Variants in TRMT11 observed in about 807,000 individuals in gnomAD.
TRMT11 encodes tRNA methyltransferase 11, also known as tRNA (guanine(10)-N(2))-methyltransferase TRMT11.
A neutral mutation model predicts 62.8 loss-of-function variants in TRMT11; 53 were observed. That is an observed-to-expected ratio of 0.84 (90% CI 0.68 to 1.06). The LOEUF (loss-of-function observed/expected upper bound fraction) is 1.06, where lower values mean the gene tolerates loss of function less well. Among genes scored for constraint, TRMT11 ranks in the 50% least tolerant of loss-of-function variants. TRMT11 has a pLI of 0.00. For synonymous variants in TRMT11, 188 were observed against 190.3 expected (o/e 0.99, Z 0.10); for missense variants, 556 against 553.4 (o/e 1.00, Z -0.05).
chr6:126,109,936 C>T (rs993193891), intron 17 of TRMT11, among the ~76,000 whole-genome samples: 3 of 152,128 alleles, frequency 2.0e-5, no homozygotes, highest in Non-Finnish European at 4.4e-5. Flanking sequence ...TGGGTTGGCA[C>T]CAAGCATGAC....
intron 17 of TRMT11, among the ~76,000 whole-genome samples, chr6:126,072,793 CCT>C (rs1188297109): frequency 6.6e-6 from 1 of 152,038 alleles, no homozygotes; most frequent in Non-Finnish European, 1.5e-5. Context: ...GAGCAGAGAT[CCT>C]CTCTCTTATG....
At chr6:126,251,427 G>A in the TRMT11 span, among the ~76,000 whole-genome samples, 31,886 of 152,010 alleles carry the variant, frequency 0.21, 4,303 homozygotes, top group East Asian at 0.53. Flanking sequence ...ATGACTAAAA[G>A]CTAATTAATA....
chr6:126,197,374 G>T (rs1778678628), intron 1 of TRMT11, among the ~76,000 whole-genome samples: 1 of 152,120 alleles, frequency 6.6e-6, no homozygotes, highest in African/African-American at 2.4e-5. Flanking sequence ...ACAAATATAA[G>T]TGAATTGTTC....
chr6:126,081,330 G>A (rs575250975), intron 17 of TRMT11, among the ~76,000 whole-genome samples: 14 of 152,266 alleles, frequency 9.2e-5, no homozygotes, highest in Admixed American at 6.5e-4. Flanking sequence ...TAGACTTCAC[G>A]CTCTTGAGTC....
At chr6:126,068,865 CTTAG>C (rs952311334) in intron 17 of TRMT11, among the ~76,000 whole-genome samples, 5 of 152,068 alleles carry the variant, frequency 3.3e-5, no homozygotes, top group African/African-American at 1.2e-4. Context: ...TTTCTTCTTA[CTTAG>C]TGAGTGACAA....
upstream of TRMT11, among the ~76,000 whole-genome samples, chr6:126,174,816 A>C (rs1174823963): frequency 6.6e-6 from 1 of 152,210 alleles, no homozygotes; most frequent in East Asian, 1.9e-4. Flanking sequence ...TGTGCCTTTG[A>C]ATTTTCAGAG....
chr6:126,015,106 G>A (rs958784559), intron 11 of TRMT11, among the ~76,000 whole-genome samples: 11 of 151,420 alleles, frequency 7.3e-5, no homozygotes, highest in African/African-American at 2.7e-4. Flanking sequence ...ATACTGTGAA[G>A]TAATTTCAAA....
chr6:126,206,578 G>A (rs1422695057), downstream of TRMT11, among the ~76,000 whole-genome samples: 4 of 152,114 alleles, frequency 2.6e-5, no homozygotes, highest in Admixed American at 1.3e-4. Context: ...CACTTCATAT[G>A]TTTGTTCACA....
chr6:126,008,947 T>C (rs1217432014), intron 8 of TRMT11, among the ~76,000 whole-genome samples: 6 of 152,116 alleles, frequency 3.9e-5, no homozygotes, highest in Admixed American at 3.3e-4. Context: ...ATTGGGTATC[T>C]ACTTTTATGA....
At chr6:126,014,545 G>A (rs1488580743) in intron 11 of TRMT11, among the ~76,000 whole-genome samples, 5 of 152,104 alleles carry the variant, frequency 3.3e-5, no homozygotes, top group East Asian at 1.9e-4. Context: ...CACCGTGTCC[G>A]GCCAATTCCT....
intron 11 of TRMT11, among the ~76,000 whole-genome samples, chr6:126,014,529 G>A (rs990096105): frequency 2.6e-5 from 4 of 152,176 alleles, no homozygotes; most frequent in African/African-American, 7.2e-5. Context: ...GATTATAGGC[G>A]TGAGCCACCG....
At chr6:126,008,909 A>T (rs1299837507) in intron 8 of TRMT11, among the ~76,000 whole-genome samples, 2 of 151,924 alleles carry the variant, frequency 1.3e-5, no homozygotes, top group African/African-American at 4.8e-5. Flanking sequence ...AAATTGTGAT[A>T]TAATTTTACT....
intron 1 of TRMT11, among the ~76,000 whole-genome samples, chr6:126,191,600 T>C (rs1056696986): frequency 1.3e-5 from 2 of 151,950 alleles, no homozygotes; most frequent in Non-Finnish European, 2.9e-5. Flanking sequence ...AAATCTTTAA[T>C]CTAATTTGTG....
chr6:126,032,401 G>A (rs1284539660), intron 12 of TRMT11, among the ~76,000 whole-genome samples: 1 of 152,062 alleles, frequency 6.6e-6, no homozygotes, highest in East Asian at 1.9e-4. Flanking sequence ...CTTCCCTTTT[G>A]CTTACCAGTT....
the TRMT11 span, among the ~76,000 whole-genome samples, chr6:126,237,589 G>A: frequency 6.6e-6 from 1 of 152,136 alleles, no homozygotes; most frequent in African/African-American, 2.4e-5. Flanking sequence ...GCTGAGGGGG[G>A]AGGATCACCT....
chr6:126,142,739 T>G lies in TRMT11; in HGVS notation c.*1823+26884T>G, dbSNP rs147722204. ...TAAAAGAACTTTAATGTCTATTAAT[T>G]CCTCTTTTGCTCAATAGCTATATTA... is the stretch of plus-strand genomic sequence containing the variant. On this transcript the variant is annotated intron_variant and NMD_transcript_variant, in intron 21 of 22. Transcript: ENST00000648977. Among the ~76,000 whole-genome samples the G allele has an allele frequency of 3.1e-3, 469 of 152,214 alleles. 4 individuals are homozygous for G. The highest frequency in any genetic ancestry group is 0.011 in the African/African-American group (455 of 41,564).
At chr6:126,136,215 A>G (rs1320904742) in intron 21 of TRMT11, among the ~76,000 whole-genome samples, 1 of 151,506 alleles carries the variant, frequency 6.6e-6, no homozygotes, top group African/African-American at 2.4e-5. Flanking sequence ...TTTTTTTTGC[A>G]GAAGACTTGA....
At chr6:126,049,817 T>C (rs1451313498) in intron 16 of TRMT11, among the ~76,000 whole-genome samples, 1 of 152,140 alleles carries the variant, frequency 6.6e-6, no homozygotes, top group Non-Finnish European at 1.5e-5. Flanking sequence ...AAAATTCAGT[T>C]AAGTGGAGAG....
intron 17 of TRMT11, among the ~76,000 whole-genome samples, chr6:126,108,166 T>C (rs751919875): frequency 6.6e-5 from 10 of 152,246 alleles, no homozygotes; most frequent in Non-Finnish European, 1.0e-4. Context: ...GTTGCTGCTC[T>C]TGCCTGTAAT....
Sources: allele counts gnomAD v4.1 joint callset (sites outside exome capture counted in the v4.1 genomes callset), GRCh38; gene constraint gnomAD v4.1.1; transcripts MANE v1.5; gene names NCBI Gene and HGNC (gene_info 2026-07-23, HGNC 2026-07-21).